Variants in PAAF1 observed in about 807,000 individuals in gnomAD.
The protein encoded by PAAF1 is proteasomal ATPase-associated factor 1.
In PAAF1, 46 loss-of-function variants were observed where a neutral mutation model predicts 52.8. That is an observed-to-expected ratio of 0.87 (90% CI 0.69 to 1.11). The LOEUF (loss-of-function observed/expected upper bound fraction) is 1.11, where lower values mean the gene tolerates loss of function less well. Ranked by LOEUF, PAAF1 falls within the 50% of genes most tolerant of loss-of-function variation. PAAF1 has a pLI of 0.00. For synonymous variants in PAAF1, 178 were observed against 172.8 expected (o/e 1.03, Z -0.24); for missense variants, 424 against 477.4 (o/e 0.89, Z 1.04).
rs143988079 is a variant in PAAF1 at position 73,916,464 on chromosome 11, A to G, written c.820-81A>G. On this transcript the variant is annotated intron_variant, in intron 8 of 11. Transcript: ENST00000310571. ...AGAAAATATCTCAAAATATAGTGAA[A>G]TTTTTCCTTTTTTGGTGCCTGTTTA... 1,366 of 842,990 alleles carry G rather than the reference A, an allele frequency of 1.6e-3. 15 individuals carry two copies. The African/African-American group carries it at 0.021, about 13-fold the overall frequency. 52.2% of individuals were successfully genotyped at this position (842,990 alleles called of 1,614,324 possible).
At chr11:73,893,738 CAAAAAAAA>C (rs564348245) in intron 4 of PAAF1, among the ~76,000 whole-genome samples, 5 of 71,972 alleles carry the variant, frequency 6.9e-5, no homozygotes, top group African/African-American at 2.8e-4. Flanking sequence ...ACTCTGTCTC[CAAAAAAAA>C]AAAAAAAAAA....
In PAAF1 at chr11:73,930,819, A is replaced by G. The variant is rs1185208475; in HGVS notation, c.*3457A>G. 1 of 151,034 alleles carries G rather than the reference A, an allele frequency of 6.6e-6. No individual in the cohort carries two copies. The highest frequency in any genetic ancestry group is 1.5e-5 in the Non-Finnish European group (1 of 67,844). The allele number at this position is 151,034 out of a possible 1,614,324, so 9.4% of individuals were successfully genotyped here. ...TATATATGTAGAAGCAGTGAGTAGA[A>G]TGGTGGTTACAGAGACTCGGGGAGG... On this transcript the variant is annotated 3_prime_UTR_variant, in exon 12 of 12. Coordinates refer to ENST00000310571, the MANE Select transcript of PAAF1 (RefSeq NM_025155.3).
chr11:73,897,100 A>T (rs1228719536), intron 4 of PAAF1, among the ~76,000 whole-genome samples: 15 of 133,182 alleles, frequency 1.1e-4, no homozygotes, highest in East Asian at 4.8e-4. Flanking sequence ...CTGGCCGGGC[A>T]GAGTGGCTCC....
At chr11:73,886,128 C>T (rs569610515) in intron 2 of PAAF1, among the ~76,000 whole-genome samples, 1 of 152,284 alleles carries the variant, frequency 6.6e-6, no homozygotes, top group South Asian at 2.1e-4. Context: ...TAGTATCTTA[C>T]TTAGCCCATA....
chr11:73,888,907 T>A (rs1020679188), intron 3 of PAAF1: 2 of 456,646 alleles, frequency 4.4e-6, no homozygotes, highest in African/African-American at 4.0e-5. Context: ...TGCATGTGGA[T>A]GAATCTATAA....
rs188502281 is a variant in PAAF1, at chr11:73,913,001, C to T, written c.728-1412C>T. On this transcript the variant is annotated intron_variant, in intron 7 of 11. Coordinates refer to ENST00000310571, the MANE Select transcript of PAAF1 (RefSeq NM_025155.3). ...AAGCAATTCTCCCGCCTCAGCCTCC[C>T]GAGTAACTGGGATTACAGGCGTGCA... is the stretch of plus-strand genomic sequence containing the variant. Among the ~76,000 whole-genome samples, 285 of 152,288 alleles carry T rather than the reference C, an allele frequency of 1.9e-3. 1 individual carries two copies. The highest frequency in any genetic ancestry group is 6.3e-3 in the African/African-American group (261 of 41,568).
At chr11:73,921,606 C>T in intron 10 of PAAF1, 1 of 649,472 alleles carries the variant, frequency 1.5e-6, no homozygotes. Context: ...GTATATCTTG[C>T]TGGAAAATGC....
At chr11:73,897,017 C>T (rs538656885) in intron 4 of PAAF1, among the ~76,000 whole-genome samples, 5 of 143,938 alleles carry the variant, frequency 3.5e-5, no homozygotes, top group African/African-American at 1.3e-4. Flanking sequence ...GGCGGCTGGC[C>T]GGGCAGAGGG....
At chr11:73,877,224 C>T (rs1051295718) in intron 1 of PAAF1, 156 bp downstream of exon 1, 5 of 701,192 alleles carry the variant, frequency 7.1e-6, no homozygotes, top group Non-Finnish European at 8.4e-6. Flanking sequence ...AAGTATCAAA[C>T]CCGTATGGTC....
At position 73,930,380 on chromosome 11, in the gene PAAF1, AAAAG is replaced by A. The variant is rs1950440885; in HGVS notation, c.*3022_*3025del. ...GCGAGGCTCTATCTCAAGAAAAAAA[AAAAG>A]AAAAAAAGAAAACAGGAAGAAATGT... is the stretch of plus-strand genomic sequence containing the variant. On this transcript the variant is annotated 3_prime_UTR_variant, in exon 12 of 12. Coordinates refer to ENST00000310571, the MANE Select transcript of PAAF1 (RefSeq NM_025155.3). The A allele has an allele frequency of 6.6e-6, 1 of 151,934 alleles. No homozygotes were observed. Among genetic ancestry groups the A allele is most frequent in the African/African-American group, 2.4e-5 (1 of 41,346 alleles). 9.4% of individuals were successfully genotyped at this position (151,934 alleles called of 1,614,324 possible). A position where few individuals can be genotyped will look rare whatever the true frequency, so the allele number is the denominator to read the frequency against.
chr11:73,881,337 A>C (rs138102344), intron 2 of PAAF1, among the ~76,000 whole-genome samples: 3 of 152,340 alleles, frequency 2.0e-5, no homozygotes, highest in African/African-American at 7.2e-5. Flanking sequence ...CCTAGGCTGG[A>C]ATGCAGTGGC....
At chr11:73,892,753 G>A (rs965993287) in intron 4 of PAAF1, among the ~76,000 whole-genome samples, 1 of 152,098 alleles carries the variant, frequency 6.6e-6, no homozygotes, top group Admixed American at 6.5e-5. Flanking sequence ...TCCACCTCCT[G>A]GGTTCACACC....
intron 10 of PAAF1, among the ~76,000 whole-genome samples, chr11:73,920,234 T>A (rs923488022): frequency 3.3e-5 from 5 of 152,212 alleles, no homozygotes; most frequent in African/African-American, 9.6e-5. Flanking sequence ...TATATTTTTT[T>A]AATTTAAAAA....
intron 2 of PAAF1, among the ~76,000 whole-genome samples, chr11:73,882,664 A>G (rs1948949177): frequency 6.6e-6 from 1 of 151,662 alleles, no homozygotes; most frequent in African/African-American, 2.4e-5. Context: ...GTGCAGTGGC[A>G]TGTTCTCGGC....
In PAAF1 at chr11:73,909,467, C is replaced by T. The variant is rs1427044985; in HGVS notation, c.601C>T (p.Arg201Ter). ...GTCTGCTTCTCGAGATGGGACAGCACGACTTTGGGATTGTGGGCGCTCAGC... is the reference window on the plus strand; with the variant it reads ...GTCTGCTTCTCGAGATGGGACAGCATGACTTTGGGATTGTGGGCGCTCAGC... ...VVSASRDGTA[R>*]LWDCGRSACL... The change falls in exon 7 of 12, where the codon CGA becomes TGA. Residue 201 changes from arginine to a stop codon, truncating the protein, a stop_gained. Transcript: ENST00000310571. LOFTEE classifies it high-confidence loss of function. The T allele has an allele frequency of 1.4e-5, 22 of 1,613,974 alleles. No homozygotes were observed. Among genetic ancestry groups the T allele is most frequent in the Admixed American group, 3.3e-5 (2 of 59,972 alleles).
At chr11:73,884,243 T>TAA (rs1948997526) in intron 2 of PAAF1, among the ~76,000 whole-genome samples, 4 of 152,274 alleles carry the variant, frequency 2.6e-5, no homozygotes, top group African/African-American at 9.6e-5. Flanking sequence ...ACTCACCCTG[T>TAA]AATCCAAGCA....
chr11:73,908,527 C>T (rs1949840233), intron 6 of PAAF1, among the ~76,000 whole-genome samples: 1 of 151,500 alleles, frequency 6.6e-6, no homozygotes, highest in Non-Finnish European at 1.5e-5. Context: ...ACCTCAGCCT[C>T]CTGAGTAGCT....
chr11:73,898,836 T>C (rs12293218), intron 4 of PAAF1, among the ~76,000 whole-genome samples: 20 of 142,126 alleles, frequency 1.4e-4, no homozygotes, highest in East Asian at 3.9e-4. Context: ...AACAAACAAA[T>C]AAATAAATGC....
intron 3 of PAAF1, among the ~76,000 whole-genome samples, chr11:73,890,266 C>CT (rs926163920): frequency 7.9e-5 from 12 of 151,896 alleles, no homozygotes; most frequent in South Asian, 2.1e-4. Flanking sequence ...AAGCCTTTTT[C>CT]TTTTTTTTAC....
Sources: allele counts gnomAD v4.1 joint callset (sites outside exome capture counted in the v4.1 genomes callset), GRCh38; gene constraint gnomAD v4.1.1; transcripts MANE v1.5; gene names NCBI Gene and HGNC (gene_info 2026-07-23, HGNC 2026-07-21).